WWOX: variants seen among roughly 807,000 people sequenced by gnomAD.
WWOX encodes WW domain containing oxidoreductase, also known as WW domain-containing oxidoreductase.
Under a neutral mutation model 46.2 loss-of-function variants are expected in WWOX, and 69 were observed. The observed-to-expected ratio is 1.49, with a 90% confidence interval of 1.23 to 1.82. WWOX has a LOEUF of 1.82. WWOX is among the 40% of genes most tolerant of loss of function. The pLI is 0.00. For missense variants in WWOX, 919 were observed against 542.6 expected, an observed-to-expected ratio of 1.69 and a Z score of -6.89; for synonymous variants, 359 against 202.6, an observed-to-expected ratio of 1.77 and a Z score of -6.56.
rs541728964 is a variant in WWOX at position 78,557,588 on chromosome 16, G to A, written c.1056+124836G>A. On this transcript the variant is annotated intron_variant, in intron 8 of 8. Coordinates refer to ENST00000566780, the MANE Select transcript of WWOX (RefSeq NM_016373.4). ...AAGGGAGTGGCACTATAGCTGAAGA[G>A]GATGACCCTCTATCACAGCCTTTGC... Among the ~76,000 whole-genome samples, 353 of 152,078 alleles carry A rather than the reference G, an allele frequency of 2.3e-3. 3 individuals are homozygous for A. Among genetic ancestry groups the A allele is most frequent in the Non-Finnish European group, 4.0e-3 (274 of 68,012 alleles).
At chr16:78,987,178 T>C (rs9939910) in intron 8 of WWOX, among the ~76,000 whole-genome samples, 6,757 of 152,302 alleles carry the variant, frequency 0.044, 220 homozygotes, top group African/African-American at 0.091. Context: ...GTCTTTGAAA[T>C]TTAATGTCTC....
chr16:78,973,806 C>T (rs950872482), intron 8 of WWOX, among the ~76,000 whole-genome samples: 2 of 152,262 alleles, frequency 1.3e-5, no homozygotes, highest in African/African-American at 2.4e-5. Flanking sequence ...GGCAGGGGTT[C>T]GGGAGTGGGG....
intron 8 of WWOX, among the ~76,000 whole-genome samples, chr16:78,670,841 AATAAAG>A (rs2047445765): frequency 6.6e-6 from 1 of 151,828 alleles, no homozygotes; most frequent in South Asian, 2.1e-4. Flanking sequence ...ATGTAACTGA[AATAAAG>A]ATAGAGATGT....
At chr16:78,794,329 C>T (rs543207484) in intron 8 of WWOX, among the ~76,000 whole-genome samples, 1 of 151,960 alleles carries the variant, frequency 6.6e-6, no homozygotes, top group Non-Finnish European at 1.5e-5. Context: ...TTCAAAGCTC[C>T]CCAGGAGTCT....
chr16:78,165,479 A>T (rs532591223), intron 5 of WWOX, among the ~76,000 whole-genome samples: 1 of 152,178 alleles, frequency 6.6e-6, no homozygotes, highest in Non-Finnish European at 1.5e-5. Context: ...TGGGGTCCCC[A>T]AGGAAGAAGT....
intron 8 of WWOX, among the ~76,000 whole-genome samples, chr16:79,103,423 G>A (rs1290199025): frequency 6.6e-6 from 1 of 152,154 alleles, no homozygotes; most frequent in East Asian, 1.9e-4. Context: ...AATGTTTAGG[G>A]GCTCAAGCAC....
chr16:78,104,231 AACACACACACACACAC>A (rs376622174), intron 1 of WWOX, among the ~76,000 whole-genome samples: 4 of 130,122 alleles, frequency 3.1e-5, no homozygotes, highest in South Asian at 2.9e-4. Context: ...CTGTGCTCAA[AACACACACACACACAC>A]ACACACACAC....
At chr16:78,536,964 T>C (rs1194552278) in intron 8 of WWOX, among the ~76,000 whole-genome samples, 1 of 148,634 alleles carries the variant, frequency 6.7e-6, no homozygotes, top group Non-Finnish European at 1.5e-5. Flanking sequence ...TCACCCAGAC[T>C]GGATTGCAGT....
intron 8 of WWOX, among the ~76,000 whole-genome samples, chr16:78,992,558 G>A (rs758851004): frequency 1.6e-4 from 24 of 152,172 alleles, no homozygotes; most frequent in Non-Finnish European, 2.1e-4. Flanking sequence ...GGATGTGAGC[G>A]TCTGCGTAGG....
intron 8 of WWOX, among the ~76,000 whole-genome samples, chr16:78,562,939 C>G (rs1040293415): frequency 3.9e-5 from 6 of 152,112 alleles, no homozygotes; most frequent in African/African-American, 1.2e-4. Flanking sequence ...CAAACTCTTA[C>G]TCTGCCATAT....
intron 8 of WWOX, among the ~76,000 whole-genome samples, chr16:79,005,036 A>C (rs376004939): frequency 5.8e-4 from 88 of 152,240 alleles, no homozygotes; most frequent in African/African-American, 2.1e-3. Flanking sequence ...AAAAAGCACA[A>C]ATGTGCTTGT....
chr16:78,363,862 G>A (rs557911393), intron 5 of WWOX, among the ~76,000 whole-genome samples: 71 of 152,284 alleles, frequency 4.7e-4, no homozygotes, highest in African/African-American at 1.7e-3. Context: ...TGCAGAGTTC[G>A]AGGCAGGGCC....
chr16:78,646,584 C>T (rs2046850265), intron 8 of WWOX, among the ~76,000 whole-genome samples: 1 of 152,106 alleles, frequency 6.6e-6, no homozygotes, highest in Non-Finnish European at 1.5e-5. Context: ...TGTACCACTA[C>T]TCCCGGCTAA....
intron 8 of WWOX, among the ~76,000 whole-genome samples, chr16:79,034,206 G>A (rs1038761503): frequency 6.6e-6 from 1 of 152,130 alleles, no homozygotes; most frequent in Non-Finnish European, 1.5e-5. Flanking sequence ...GATATTTTAA[G>A]CATTAATTCT....
intron 1 of WWOX, among the ~76,000 whole-genome samples, chr16:78,104,314 C>T (rs1389561549): frequency 1.3e-5 from 2 of 151,268 alleles, no homozygotes; most frequent in East Asian, 1.9e-4. Context: ...TGCTAACTTA[C>T]ACTGTGCTCA....
chr16:78,358,816 G>A (rs909617977), intron 5 of WWOX, among the ~76,000 whole-genome samples: 1 of 145,830 alleles, frequency 6.9e-6, no homozygotes, highest in East Asian at 2.0e-4. Flanking sequence ...AGCTCTTTCT[G>A]ACTTTTTAAA....
intron 5 of WWOX, among the ~76,000 whole-genome samples, chr16:78,384,135 T>C (rs1230828648): frequency 1.3e-5 from 2 of 152,202 alleles, no homozygotes; most frequent in Non-Finnish European, 2.9e-5. Flanking sequence ...GTTTTTATAA[T>C]ATGTAGCCTG....
intron 5 of WWOX, among the ~76,000 whole-genome samples, chr16:78,215,175 ATTTTCTTCCCC>A: frequency 6.6e-6 from 1 of 152,114 alleles, no homozygotes. Flanking sequence ...CCCATGGGTC[ATTTTCTTCCCC>A]ATATCAAGCA....
At chr16:79,071,751 T>G (rs2048555598) in intron 8 of WWOX, among the ~76,000 whole-genome samples, 2 of 152,272 alleles carry the variant, frequency 1.3e-5, no homozygotes, top group Non-Finnish European at 2.9e-5. Context: ...GTAATTGATC[T>G]GTTGGCCTAA....
Sources: gnomAD v4.1 joint callset for allele counts (sites outside exome capture counted in the v4.1 genomes callset) on GRCh38, gnomAD v4.1.1 for gene constraint, MANE v1.5 for transcripts, NCBI Gene and HGNC (gene_info 2026-07-23, HGNC 2026-07-21) for gene names.